Variants in LY86 observed in about 807,000 individuals in gnomAD.
LY86 encodes the protein lymphocyte antigen 86.
Under a neutral mutation model 17.3 loss-of-function variants are expected in LY86, and 20 were observed. The ratio of observed to expected loss-of-function variants is 1.15; its 90% CI spans 0.81 to 1.68. The LOEUF is 1.68. Ranked by LOEUF, LY86 falls within the 40% of genes most tolerant of loss-of-function variation. The pLI is 0.00. For missense variants in LY86, 200 were observed against 191.9 expected, an observed-to-expected ratio of 1.04 and a Z score of -0.25; for synonymous variants, 74 against 70.6, an observed-to-expected ratio of 1.05 and a Z score of -0.24.
chr6:6,608,708 A>G (rs1248023430), intron 1 of LY86, among the ~76,000 whole-genome samples: 1 of 152,260 alleles, frequency 6.6e-6, no homozygotes, highest in Non-Finnish European at 1.5e-5. Flanking sequence ...ACAATATCCA[A>G]ACGGTTACAG....
intron 1 of LY86, 105 bp from the exon 2 acceptor site, chr6:6,624,821 A>C: frequency 1.6e-6 from 1 of 625,328 alleles, no homozygotes; most frequent in African/African-American, 1.9e-5. Flanking sequence ...TATGCTTTTG[A>C]ATAAATGTAG....
chr6:6,620,450 CA>C (rs1198188108), intron 1 of LY86, among the ~76,000 whole-genome samples: 3 of 152,248 alleles, frequency 2.0e-5, no homozygotes, highest in Admixed American at 6.5e-5. Context: ...GCAGAGGCCA[CA>C]GGGGGCGGAG....
chr6:6,650,229 A>G (rs1762165946), intron 4 of LY86, among the ~76,000 whole-genome samples: 2 of 152,144 alleles, frequency 1.3e-5, no homozygotes, highest in Admixed American at 6.5e-5. Context: ...TAAGAGTAGA[A>G]TTTTCCACTA....
At chr6:6,591,579 C>A (rs1205869168) in intron 1 of LY86, 1 of 153,574 alleles carries the variant, frequency 6.5e-6, no homozygotes, top group Non-Finnish European at 1.5e-5. Flanking sequence ...AGGCTAAGTA[C>A]TTTACATGCA....
chr6:6,599,496 G>A (rs1469809358), intron 1 of LY86, among the ~76,000 whole-genome samples: 2 of 152,346 alleles, frequency 1.3e-5, no homozygotes, highest in South Asian at 2.1e-4. Context: ...CACTGGAGTG[G>A]TTCCTGAATG....
intron 3 of LY86, among the ~76,000 whole-genome samples, chr6:6,647,123 C>G (rs1290942589): frequency 1.3e-5 from 2 of 152,128 alleles, no homozygotes; most frequent in East Asian, 3.8e-4. Flanking sequence ...GTTTACTGGC[C>G]CATCTACAAA....
At position 6,588,764 on chromosome 6, in the gene LY86, C is replaced by G. The variant is rs74356155; in HGVS notation, c.30C>G (p.Leu10=). 3.8e-5 allele frequency: 62 copies of G among 1,614,208 alleles called. No homozygotes were observed. The African/African-American group carries it at 6.0e-4, about 16-fold the overall frequency. The part of the protein sequence containing the change: MKGFTATLF[L]WTLIFPSCSG... ...AGGGTTTCACAGCCACTCTCTTCCT[C>G]TGGACTCTGATTTTTCCCAGCTGCA... The change falls in exon 1 of 5, where the codon CTC becomes CTG. Residue 10 remains leucine, a synonymous_variant. Transcript: ENST00000230568.
intron 1 of LY86, among the ~76,000 whole-genome samples, chr6:6,591,650 T>C (rs1374872897): frequency 6.6e-6 from 1 of 152,176 alleles, no homozygotes; most frequent in Non-Finnish European, 1.5e-5. Flanking sequence ...AGTGAACTTT[T>C]CCAAGGCCAC....
intron 1 of LY86, among the ~76,000 whole-genome samples, chr6:6,598,331 T>A (rs950654771): frequency 6.6e-6 from 1 of 151,850 alleles, no homozygotes; most frequent in Non-Finnish European, 1.5e-5. Context: ...ACTGATACCA[T>A]GAGTTTACAT....
At chr6:6,604,412 C>T (rs1379351879) in intron 1 of LY86, among the ~76,000 whole-genome samples, 1 of 151,144 alleles carries the variant, frequency 6.6e-6, no homozygotes, top group African/African-American at 2.4e-5. Context: ...TAAAATAAGA[C>T]CCTTTAAAAT....
intron 1 of LY86, among the ~76,000 whole-genome samples, chr6:6,589,625 A>G (rs1356978762): frequency 6.6e-6 from 1 of 152,132 alleles, no homozygotes; most frequent in East Asian, 1.9e-4. Context: ...TAACAGATTT[A>G]TTTCCTCACA....
chr6:6,605,645 A>G (rs546472907), intron 1 of LY86, among the ~76,000 whole-genome samples: 25 of 152,380 alleles, frequency 1.6e-4, no homozygotes, highest in African/African-American at 4.6e-4. Context: ...TGTTTTCGCT[A>G]TGTTCTACTG....
chr6:6,653,677 T>C (rs1311035896), intron 4 of LY86, among the ~76,000 whole-genome samples: 2 of 152,232 alleles, frequency 1.3e-5, no homozygotes, highest in Non-Finnish European at 2.9e-5. Context: ...GGTTTTGTGC[T>C]GGTGAACTGT....
chr6:6,632,733 C>T (rs1271821789), intron 3 of LY86, among the ~76,000 whole-genome samples: 2 of 152,200 alleles, frequency 1.3e-5, no homozygotes, highest in African/African-American at 4.8e-5. Context: ...CTAAGGTCAG[C>T]CTCTAAAATT....
chr6:6,648,233 C>T (rs1561793503), intron 3 of LY86, among the ~76,000 whole-genome samples: 1 of 152,178 alleles, frequency 6.6e-6, no homozygotes, highest in African/African-American at 2.4e-5. Flanking sequence ...CTTGGCCTCT[C>T]CTCTGCATTC....
At chr6:6,612,483 A>C (rs1041403531) in intron 1 of LY86, among the ~76,000 whole-genome samples, 2 of 151,858 alleles carry the variant, frequency 1.3e-5, no homozygotes, top group African/African-American at 2.4e-5. Flanking sequence ...GCAGACCCAA[A>C]GTGTAAACAA....
chr6:6,633,273 G>A lies in LY86; in HGVS notation c.352+6852G>A, dbSNP rs145524482. 1.6e-3 allele frequency among the ~76,000 whole-genome samples: 237 copies of A among 152,238 alleles called. 1 individual carries two copies. The highest frequency in any genetic ancestry group is 5.2e-3 in the African/African-American group (218 of 41,534). ...TGTCAAGAATATATTGTGTAGGGCC[G>A]TGGAGACGTGAGGTTCTCAACTGGA... On this transcript the variant is annotated intron_variant, in intron 3 of 4. Coordinates refer to ENST00000230568, the MANE Select transcript of LY86 (RefSeq NM_004271.4).
At chr6:6,612,106 GATT>G (rs371697726) in intron 1 of LY86, among the ~76,000 whole-genome samples, 1 of 152,334 alleles carries the variant, frequency 6.6e-6, no homozygotes, top group African/African-American at 2.4e-5. Flanking sequence ...AAAGCAAGCT[GATT>G]ATTTCCAAAA....
chr6:6,627,877 C>T (rs964621598), intron 3 of LY86, among the ~76,000 whole-genome samples: 5 of 152,164 alleles, frequency 3.3e-5, no homozygotes, highest in Non-Finnish European at 7.3e-5. Context: ...GGCTTGAACC[C>T]AGGCAGGCTG....
Sources: gnomAD v4.1 joint callset for allele counts (sites outside exome capture counted in the v4.1 genomes callset) on GRCh38, gnomAD v4.1.1 for gene constraint, MANE v1.5 for transcripts, NCBI Gene and HGNC (gene_info 2026-07-23, HGNC 2026-07-21) for gene names.